FAP: variants seen among roughly 807,000 people sequenced by gnomAD.
The protein encoded by FAP is fibroblast activation protein alpha.
Under a neutral mutation model 126.5 loss-of-function variants are expected in FAP, and 110 were observed. The ratio of observed to expected loss-of-function variants is 0.87; its 90% CI spans 0.74 to 1.02. The LOEUF is 1.02. FAP is among the 50% of genes least tolerant of loss of function. The pLI, the probability that FAP is intolerant of heterozygous loss-of-function variation, is 0.00. For synonymous variants in FAP, 334 were observed against 297.3 expected, an observed-to-expected ratio of 1.12 and a Z score of -1.27; for missense variants, 919 against 909.2, an observed-to-expected ratio of 1.01 and a Z score of -0.14.
At chr2:162,219,523 A>G (rs996183322) in intron 7 of FAP, among the ~76,000 whole-genome samples, 1 of 152,162 alleles carries the variant, frequency 6.6e-6, no homozygotes, top group Non-Finnish European at 1.5e-5. Flanking sequence ...CTTAAATAAG[A>G]GCTTGGACCA....
intron 21 of FAP, 147 bp downstream of exon 21, chr2:162,183,267 C>G: frequency 2.8e-6 from 2 of 707,562 alleles, no homozygotes; most frequent in Non-Finnish European, 5.0e-6. Context: ...CATTTTGAAG[C>G]CCAGATTATC....
At chr2:162,243,121 G>A (rs1452863962) in intron 1 of FAP, 129 bp from the exon 2 acceptor site, 24 of 835,482 alleles carry the variant, frequency 2.9e-5, no homozygotes, top group South Asian at 2.4e-4. Context: ...CCACTGATCC[G>A]GCTATAATTG....
At chr2:162,196,577 A>T (rs1354364606) in intron 16 of FAP, among the ~76,000 whole-genome samples, 2 of 149,630 alleles carry the variant, frequency 1.3e-5, no homozygotes, top group Non-Finnish European at 3.0e-5. Context: ...TGTATTTGAC[A>T]CTGGATGAAG....
Position 162,178,479 on chromosome 2 carries a change from G to A in FAP, c.1870-3513C>T, listed in dbSNP as rs76995836. Among the ~76,000 whole-genome samples the A allele has an allele frequency of 6.9e-3, 1,053 of 152,216 alleles. 33 individuals are homozygous for A. The East Asian group carries it at 0.096, about 14-fold the overall frequency. ...ACTAGATGCCAGTAGCACTCCCCCA[G>A]CGTGACAATTAAAAATGCCTCCAGA... On this transcript the variant is annotated intron_variant, in intron 21 of 25. Transcript: ENST00000188790.
chr2:162,207,714 A>ATTTT (rs549071406), intron 12 of FAP, among the ~76,000 whole-genome samples: 4,510 of 141,700 alleles, frequency 0.032, 372 homozygotes, highest in Admixed American at 0.21. Context: ...CACTGAGGGC[A>ATTTT]TTTTTTTTTT....
At chr2:162,186,151 G>A (rs751206699) in intron 20 of FAP, among the ~76,000 whole-genome samples, 2 of 152,126 alleles carry the variant, frequency 1.3e-5, no homozygotes, top group Admixed American at 1.3e-4. Flanking sequence ...ACTGAAAACA[G>A]AAATTGCAAA....
intron 19 of FAP, among the ~76,000 whole-genome samples, 174 bp from the exon 20 acceptor site, chr2:162,188,537 C>T (rs963622786): frequency 3.3e-5 from 5 of 151,996 alleles, no homozygotes; most frequent in Non-Finnish European, 7.4e-5. Context: ...AGGTTTGCTA[C>T]AAGGAAGTTG....
intron 4 of FAP, 73 bp downstream of exon 4, chr2:162,225,410 T>G (rs1247562800): frequency 2.6e-6 from 4 of 1,544,904 alleles, no homozygotes; most frequent in Non-Finnish European, 3.5e-6. Context: ...GTGCTAAGAC[T>G]TTGAACTCTG....
chr2:162,175,046 CAAT>C, intron 21 of FAP, 80 bp from the exon 22 acceptor site: 1 of 972,884 alleles, frequency 1.0e-6, no homozygotes, highest in Non-Finnish European at 1.6e-6. Context: ...ACTCTACTCA[CAAT>C]CCGGACTGAA....
At chr2:162,239,979 TTA>T (rs1233222597) in intron 2 of FAP, among the ~76,000 whole-genome samples, 1 of 152,234 alleles carries the variant, frequency 6.6e-6, no homozygotes, top group Non-Finnish European at 1.5e-5. Context: ...AAGAAGGTCT[TTA>T]TGTTTGTCTT....
At chr2:162,198,262 G>T (rs998503484) in intron 16 of FAP, 4 of 1,289,834 alleles carry the variant, frequency 3.1e-6, no homozygotes, top group South Asian at 1.2e-5. Context: ...GACCTCCGAC[G>T]TGGGCATCTC....
chr2:162,177,015 G>A (rs1438456222), intron 21 of FAP, among the ~76,000 whole-genome samples: 1 of 152,082 alleles, frequency 6.6e-6, no homozygotes, highest in Non-Finnish European at 1.5e-5. Flanking sequence ...GGGCAGCTTG[G>A]AAAAGCTATT....
intron 11 of FAP, among the ~76,000 whole-genome samples, chr2:162,212,238 G>A (rs943839392): frequency 1.3e-5 from 2 of 152,040 alleles, no homozygotes; most frequent in African/African-American, 4.8e-5. Context: ...CCTAGTTTTA[G>A]GAGCTAAAAA....
In FAP at chr2:162,173,158, T is replaced by C; in HGVS notation, c.2098A>G (p.Thr700Ala). The change falls in exon 24 of 26, where the codon ACA becomes GCA. Residue 700 changes from threonine (T) to alanine (A), a missense_variant. Physicochemically the swap from Thr to Ala is moderately conservative, Grantham distance 58 (BLOSUM62 0). Transcript: ENST00000188790. The stretch of plus-strand genomic sequence containing the variant: ...CTTGCTTAAACCTCACCATCTGCTG[T>C]TCCGTGGATGAGAAGATAGTCTACA... The part of the protein sequence containing the change: ...RNVDYLLIHG[T>A]ADDNVHFQNS... 6.2e-7 allele frequency: 1 copy of C among 1,612,742 alleles called. No homozygotes were observed. The highest frequency in any genetic ancestry group is 8.5e-7 in the Non-Finnish European group (1 of 1,178,850).
chr2:162,243,198 C>T lies in FAP; in HGVS notation c.6+124G>A, dbSNP rs927253286. On this transcript the variant is annotated intron_variant, in intron 1 of 25. Transcript: ENST00000188790. Reference sequence around the variant, plus strand: ...TATATTTAGAACAATTTTCCAATCCCAACCCATTGAGGAAGTAAATACTTA... The same window carrying T: ...TATATTTAGAACAATTTTCCAATCCTAACCCATTGAGGAAGTAAATACTTA... 5.7e-6 allele frequency: 5 copies of T among 875,202 alleles called. No homozygotes were observed. In the African/African-American group the frequency reaches 8.4e-5, roughly 15 times the overall value. The allele number at this position is 875,202 out of a possible 1,614,324, so 54.2% of individuals were successfully genotyped here.
At chr2:162,191,484 A>C (rs1331694896) in intron 17 of FAP, among the ~76,000 whole-genome samples, 1 of 152,096 alleles carries the variant, frequency 6.6e-6, no homozygotes, top group Non-Finnish European at 1.5e-5. Context: ...AGTACAGGTC[A>C]GACCACACAT....
chr2:162,233,065 C>A (rs536390895), intron 2 of FAP, among the ~76,000 whole-genome samples: 1 of 152,116 alleles, frequency 6.6e-6, no homozygotes, highest in African/African-American at 2.4e-5. Context: ...ACCCCCTCAC[C>A]CCACTACCAC....
intron 12 of FAP, among the ~76,000 whole-genome samples, chr2:162,205,628 C>A (rs1253384713): frequency 2.0e-5 from 3 of 152,102 alleles, no homozygotes; most frequent in Non-Finnish European, 2.9e-5. Context: ...ATTCTCCTGC[C>A]TCAGCCTCCC....
chr2:162,188,106 C>A, intron 20 of FAP, 63 bp downstream of exon 20: 1 of 1,320,694 alleles, frequency 7.6e-7, no homozygotes, highest in Non-Finnish European at 1.1e-6. Flanking sequence ...AATGGAGAAA[C>A]ACAATAGTGA....
Sources: allele counts gnomAD v4.1 joint callset (sites outside exome capture counted in the v4.1 genomes callset), GRCh38; gene constraint gnomAD v4.1.1; transcripts MANE v1.5; gene names NCBI Gene and HGNC (gene_info 2026-07-23, HGNC 2026-07-21).